The following JMJD1C variants were observed in gnomAD, a reference collection of about 807,000 sequenced individuals.
The protein encoded by JMJD1C is jumonji domain-containing protein 1C.
A neutral mutation model predicts 245.3 loss-of-function variants in JMJD1C; 31 were observed. That is an observed-to-expected ratio of 0.13 (90% CI 0.09 to 0.17). The LOEUF is 0.17. Ranked by LOEUF, JMJD1C falls within the 10% of genes least tolerant of loss-of-function variation. The pLI, the probability that JMJD1C is intolerant of heterozygous loss-of-function variation, is 1.00. For missense variants in JMJD1C, 2,691 were observed against 3,000.2 expected (o/e 0.90, Z 2.41); for synonymous variants, 1,057 against 1,017.4 (o/e 1.04, Z -0.74).
chr10:63,452,626 G>C (rs1952140712), intron 1 of JMJD1C, among the ~76,000 whole-genome samples: 1 of 152,168 alleles, frequency 6.6e-6, no homozygotes, highest in African/African-American at 2.4e-5. Flanking sequence ...TAGATATGCT[G>C]ATATTCATGG....
At chr10:63,478,909 C>T (rs1055565827) in intron 1 of JMJD1C, among the ~76,000 whole-genome samples, 15 of 152,056 alleles carry the variant, frequency 9.9e-5, no homozygotes, top group Non-Finnish European at 1.6e-4. Context: ...AAGGTTACAG[C>T]GAGCTATGGA....
chr10:63,477,220 T>A (rs1953690564), intron 1 of JMJD1C, among the ~76,000 whole-genome samples: 1 of 152,184 alleles, frequency 6.6e-6, no homozygotes, highest in Non-Finnish European at 1.5e-5. Context: ...TAATTTTTTT[T>A]TTGACACCGA....
In JMJD1C at chr10:63,220,714, A is replaced by G. The variant is rs149101977; in HGVS notation, c.448-731T>C. Among the ~76,000 whole-genome samples the G allele has an allele frequency of 3.6e-3, 552 of 152,010 alleles. 4 individuals carry two copies. The highest frequency in any genetic ancestry group is 0.029 in the South Asian group (140 of 4,810). ...TTCTGTTCTCTCTCTCTCTCTCTCA[A>G]AGTACCTCTGCTGCTCCTGCATTTG... On this transcript the variant is annotated intron_variant, in intron 3 of 25. Transcript: ENST00000399262.
intron 2 of JMJD1C, among the ~76,000 whole-genome samples, chr10:63,347,365 C>A (rs1472647829): frequency 6.6e-6 from 1 of 151,422 alleles, no homozygotes; most frequent in East Asian, 1.9e-4. Context: ...GGGTGGATCA[C>A]GAGGTCAGGA....
chr10:63,335,529 T>G (rs1243286367), intron 2 of JMJD1C, among the ~76,000 whole-genome samples: 2 of 152,204 alleles, frequency 1.3e-5, no homozygotes, highest in African/African-American at 4.8e-5. Flanking sequence ...TGTTTTGTTA[T>G]GAGACAAAGT....
rs1451676702 is a variant in JMJD1C at position 63,465,847 on chromosome 10, A to G, written c.-185T>C. The G allele has an allele frequency of 4.2e-6, 3 of 721,434 alleles. No homozygotes were observed. Among genetic ancestry groups the G allele is most frequent in the African/African-American group, 1.7e-5 (1 of 57,588 alleles). 44.7% of individuals were successfully genotyped at this position (721,434 alleles called of 1,614,324 possible). A position where few individuals can be genotyped will look rare whatever the true frequency, so the allele number is the denominator to read the frequency against. On this transcript the variant is annotated 5_prime_UTR_variant, in exon 1 of 26. Transcript: ENST00000399262. ...CAGCGACCTCGGGCCCTCCCCGCAA[A>G]CACTCCTTTGGACTCCCAGATTCGC...
At position 63,176,356 on chromosome 10, in the gene JMJD1C, A is replaced by G; in HGVS notation, c.7342T>C (p.Cys2448Arg). Residue 2448 changes from cysteine to arginine, a missense_variant, in exon 24 of 26, where the codon TGT becomes CGT. By Grantham distance (180) the Cys-to-Arg change is radical. Around this residue, in one of 9 missense-constraint regions of JMJD1C, gnomAD observed 232 missense variants for 416.1 expected, o/e 0.56. Coordinates refer to ENST00000399262, the MANE Select transcript of JMJD1C (RefSeq NM_032776.3). ...TCACCAAGGAACTGAATAAGAGTAC[A>G]GGTTCTGACTCCATATTCTTCAAGC... Reference protein sequence around the residue: ...RLLEEYGVRTCTLIQFLGDAI... With the variant: ...RLLEEYGVRTRTLIQFLGDAI... The G allele has an allele frequency of 6.2e-7, 1 of 1,614,054 alleles. No individual in the cohort carries two copies. The highest frequency in any genetic ancestry group is 8.5e-7 in the Non-Finnish European group (1 of 1,179,946).
chr10:63,385,002 T>C (rs113149471), intron 1 of JMJD1C, among the ~76,000 whole-genome samples: 1,832 of 152,270 alleles, frequency 0.012, 20 homozygotes, highest in East Asian at 0.048. Flanking sequence ...TGTGTGACTA[T>C]TCCTTTCACT....
chr10:63,282,511 T>A (rs1336755886), intron 2 of JMJD1C, among the ~76,000 whole-genome samples: 2 of 152,186 alleles, frequency 1.3e-5, no homozygotes, highest in Non-Finnish European at 1.5e-5. Flanking sequence ...AGAGAGACCT[T>A]TTTCACACAA....
At chr10:63,442,516 T>C (rs944362543) in intron 1 of JMJD1C, among the ~76,000 whole-genome samples, 1 of 152,230 alleles carries the variant, frequency 6.6e-6, no homozygotes, top group African/African-American at 2.4e-5. Context: ...CAGAATGTTA[T>C]GTATTTAATG....
intron 1 of JMJD1C, among the ~76,000 whole-genome samples, chr10:63,503,751 C>A (rs182172083): frequency 3.3e-5 from 5 of 152,300 alleles, no homozygotes; most frequent in Non-Finnish European, 5.9e-5. Context: ...GGTTTCTTCC[C>A]ATTACTTTCA....
rs1450105131 is a variant in JMJD1C at position 63,200,645 on chromosome 10, G to A, written c.5107C>T (p.Arg1703Cys). 1 of 1,613,932 alleles carries A rather than the reference G, an allele frequency of 6.2e-7. No individual in the cohort carries two copies. Among genetic ancestry groups the A allele is most frequent in the Non-Finnish European group, 8.5e-7 (1 of 1,179,926 alleles). The stretch of plus-strand genomic sequence containing the variant: ...GTTTGCTTCAGCTTCTTGACTTTAC[G>A]CCAATCTTTCAATACTGAACGAGGA... ...GIPRSVLKDW[R>C]KVKKLKQTGE... Residue 1703 changes from arginine to cysteine, a missense_variant, in exon 11 of 26, where the codon CGT becomes TGT. Physicochemically the swap from Arg to Cys is radical, Grantham distance 180. Transcript: ENST00000399262.
chr10:63,178,223 G>A (rs1236788458), intron 22 of JMJD1C, among the ~76,000 whole-genome samples: 1 of 152,148 alleles, frequency 6.6e-6, no homozygotes, highest in Non-Finnish European at 1.5e-5. Flanking sequence ...TTACAGGCAT[G>A]AGACACTGTC....
chr10:63,409,017 G>T (rs1459355124), intron 1 of JMJD1C, among the ~76,000 whole-genome samples: 1 of 152,126 alleles, frequency 6.6e-6, no homozygotes, highest in Admixed American at 6.5e-5. Flanking sequence ...CAAAAAAATA[G>T]TATTTTCCAA....
intron 1 of JMJD1C, among the ~76,000 whole-genome samples, chr10:63,407,983 A>C (rs1249700153): frequency 6.6e-6 from 1 of 152,178 alleles, no homozygotes; most frequent in Non-Finnish European, 1.5e-5. Flanking sequence ...ATATCCCAAC[A>C]CAAGTTTCAG....
At chr10:63,480,585 A>C (rs1589816000) in intron 1 of JMJD1C, among the ~76,000 whole-genome samples, 2 of 152,086 alleles carry the variant, frequency 1.3e-5, no homozygotes, top group Middle Eastern at 6.8e-3. Context: ...AACGCATTTA[A>C]AGCTTCCTTC....
At chr10:63,252,115 G>A (rs1187844248) in intron 3 of JMJD1C, among the ~76,000 whole-genome samples, 2 of 152,216 alleles carry the variant, frequency 1.3e-5, no homozygotes, top group African/African-American at 4.8e-5. Context: ...ATGGCTCAGG[G>A]ATATCCATTA....
chr10:63,262,298 T>C, intron 3 of JMJD1C, among the ~76,000 whole-genome samples: 1 of 152,286 alleles, frequency 6.6e-6, no homozygotes, highest in Non-Finnish European at 1.5e-5. Flanking sequence ...AATTTTTTTT[T>C]CTTCTTTCTA....
chr10:63,383,763 C>T (rs1359093673), intron 1 of JMJD1C, among the ~76,000 whole-genome samples: 1 of 152,102 alleles, frequency 6.6e-6, no homozygotes, highest in African/African-American at 2.4e-5. Flanking sequence ...TGCCAAAAAA[C>T]GGTAACAATC....
Sources: allele counts gnomAD v4.1 joint callset (sites outside exome capture counted in the v4.1 genomes callset), GRCh38; gene constraint gnomAD v4.1.1; regional missense constraint gnomAD v4.1.1; transcripts MANE v1.5; gene names NCBI Gene and HGNC (gene_info 2026-07-23, HGNC 2026-07-21).